Variants in CNTNAP4 observed in about 807,000 individuals in gnomAD.
The protein encoded by CNTNAP4 is contactin associated protein family member 4.
CNTNAP4 carries 98 observed loss-of-function variants against 148.4 expected under a neutral mutation model. The ratio of observed to expected loss-of-function variants is 0.66; its 90% confidence interval spans 0.56 to 0.78. CNTNAP4 has a LOEUF of 0.78. Ranked by LOEUF, CNTNAP4 falls within the 30% of genes least tolerant of loss-of-function variation. The pLI is 0.00. For missense variants in CNTNAP4, 1,935 were observed against 1,565.6 expected, an observed-to-expected ratio of 1.24 and a Z score of -3.98; for synonymous variants, 730 against 565.1, an observed-to-expected ratio of 1.29 and a Z score of -4.14.
intron 3 of CNTNAP4, among the ~76,000 whole-genome samples, chr16:76,373,313 T>A (rs1220827869): frequency 3.3e-5 from 5 of 151,656 alleles, no homozygotes; most frequent in African/African-American, 1.2e-4. Context: ...TCCACATAAA[T>A]ATGTGGAGTA....
At chr16:76,409,572 A>G (rs1023848156) in intron 3 of CNTNAP4, among the ~76,000 whole-genome samples, 7 of 152,038 alleles carry the variant, frequency 4.6e-5, no homozygotes, top group Non-Finnish European at 5.9e-5. Flanking sequence ...ATTATATGCA[A>G]AGGCAAACTA....
intron 23 of CNTNAP4, 144 bp downstream of exon 23, chr16:76,554,051 A>C: frequency 1.8e-6 from 1 of 548,014 alleles, no homozygotes; most frequent in South Asian, 2.4e-5. Context: ...GTGATTTACT[A>C]TTTGTACTGG....
chr16:76,396,008 C>T (rs1292468130), intron 3 of CNTNAP4, among the ~76,000 whole-genome samples: 2 of 152,176 alleles, frequency 1.3e-5, no homozygotes, highest in African/African-American at 2.4e-5. Context: ...GGATTACAGG[C>T]ATGAGCCACT....
At position 76,322,785 on chromosome 16, in the gene CNTNAP4, C is replaced by T. The variant is rs995162893; in HGVS notation, c.196+6262C>T. 6.6e-5 allele frequency among the ~76,000 whole-genome samples: 10 copies of T among 152,060 alleles called. No individual in the cohort carries two copies. The East Asian group carries it at 1.3e-3, about 21-fold the overall frequency. On this transcript the variant is annotated intron_variant, in intron 2 of 23. Transcript: ENST00000611870. Reference sequence around the variant, plus strand: ...AGGTAATCTCAGAGAATTCTGACCTCCACAGAACTGTGCTGGAAAGAGTCA... The same window carrying T: ...AGGTAATCTCAGAGAATTCTGACCTTCACAGAACTGTGCTGGAAAGAGTCA...
chr16:76,364,941 T>C (rs555775071), intron 3 of CNTNAP4, among the ~76,000 whole-genome samples: 1 of 152,300 alleles, frequency 6.6e-6, no homozygotes, highest in African/African-American at 2.4e-5. Context: ...AGTCATGAAG[T>C]CTTTGCCCAT....
intron 3 of CNTNAP4, among the ~76,000 whole-genome samples, chr16:76,358,059 C>T (rs907494682): frequency 1.4e-4 from 22 of 152,152 alleles, no homozygotes; most frequent in African/African-American, 5.1e-4. Context: ...GAAGGCTGGG[C>T]GTTTTGGCTC....
chr16:76,515,520 C>G (rs1022124781), intron 15 of CNTNAP4, among the ~76,000 whole-genome samples: 16 of 152,164 alleles, frequency 1.1e-4, no homozygotes, highest in Non-Finnish European at 1.8e-4. Flanking sequence ...AGAGGTCTCA[C>G]AAGAAACCAA....
At chr16:76,279,214 ACT>A (rs1669981984) in intron 1 of CNTNAP4, among the ~76,000 whole-genome samples, 1 of 152,148 alleles carries the variant, frequency 6.6e-6, no homozygotes, top group African/African-American at 2.4e-5. Context: ...ACTAGAGGTC[ACT>A]CTTACAATGT....
At chr16:76,548,914 G>C (rs1197077090) in intron 21 of CNTNAP4, among the ~76,000 whole-genome samples, 1 of 152,166 alleles carries the variant, frequency 6.6e-6, no homozygotes, top group Non-Finnish European at 1.5e-5. Flanking sequence ...TCTAAGGCCA[G>C]CTTTGCTTAT....
intron 3 of CNTNAP4, among the ~76,000 whole-genome samples, chr16:76,373,728 C>T (rs1239861030): frequency 1.3e-5 from 2 of 151,908 alleles, no homozygotes; most frequent in East Asian, 3.9e-4. Flanking sequence ...AACCCTATCT[C>T]TACTAAAAAT....
chr16:76,456,148 A>G (rs1032414005), intron 8 of CNTNAP4, among the ~76,000 whole-genome samples: 12 of 152,290 alleles, frequency 7.9e-5, no homozygotes, highest in African/African-American at 2.2e-4. Flanking sequence ...AAAGACTGCA[A>G]TTAACATATC....
At chr16:76,495,266 G>C (rs1282161744) in intron 14 of CNTNAP4, 200 bp downstream of exon 14, 5 of 421,060 alleles carry the variant, frequency 1.2e-5, no homozygotes, top group African/African-American at 2.0e-5. Context: ...TTCTGTAATG[G>C]ACCATAAGTC....
At chr16:76,548,285 T>C (rs2084818427) in intron 21 of CNTNAP4, among the ~76,000 whole-genome samples, 1 of 150,026 alleles carries the variant, frequency 6.7e-6, no homozygotes, top group Non-Finnish European at 1.5e-5. Context: ...GCTCTCTTGA[T>C]TCACTGCACC....
At chr16:76,492,464 C>G (rs556162609) in intron 13 of CNTNAP4, among the ~76,000 whole-genome samples, 1 of 152,240 alleles carries the variant, frequency 6.6e-6, no homozygotes, top group African/African-American at 2.4e-5. Context: ...ACAAAGAAGT[C>G]AAGCTGTAAC....
At chr16:76,341,087 T>C (rs1964433767) in intron 2 of CNTNAP4, among the ~76,000 whole-genome samples, 1 of 152,202 alleles carries the variant, frequency 6.6e-6, no homozygotes, top group Non-Finnish European at 1.5e-5. Flanking sequence ...TTGCCTCTGC[T>C]CTTTTTATGG....
chr16:76,541,096 A>G (rs1157256055), intron 21 of CNTNAP4, among the ~76,000 whole-genome samples: 1 of 152,220 alleles, frequency 6.6e-6, no homozygotes, highest in African/African-American at 2.4e-5. Context: ...GAAAATAAAA[A>G]ATAACAAAGT....
At chr16:76,538,068 C>G in intron 18 of CNTNAP4, 48 bp from the exon 19 acceptor site, 3 of 850,526 alleles carry the variant, frequency 3.5e-6, no homozygotes, top group African/African-American at 1.8e-5. Context: ...AAAACAAAAT[C>G]CTTGTACTTA....
At chr16:76,359,090 A>G (rs2013079916) in intron 3 of CNTNAP4, among the ~76,000 whole-genome samples, 1 of 152,162 alleles carries the variant, frequency 6.6e-6, no homozygotes. Flanking sequence ...TTCAATTTGC[A>G]TTTTTTAAGC....
intron 3 of CNTNAP4, among the ~76,000 whole-genome samples, chr16:76,398,830 A>G (rs575606537): frequency 2.0e-5 from 3 of 152,192 alleles, no homozygotes; most frequent in African/African-American, 2.4e-5. Flanking sequence ...ATAGACACAT[A>G]TATTTGTACA....
Sources: allele counts gnomAD v4.1 joint callset (sites outside exome capture counted in the v4.1 genomes callset), GRCh38; gene constraint gnomAD v4.1.1; transcripts MANE v1.5; gene names NCBI Gene and HGNC (gene_info 2026-07-23, HGNC 2026-07-21).